The following STIL variants were observed in gnomAD, a reference collection of about 807,000 sequenced individuals.
STIL encodes the protein SCL-interrupting locus protein.
Under a neutral mutation model 110.1 loss-of-function variants are expected in STIL, and 55 were observed. That is an observed-to-expected ratio of 0.50 (90% CI 0.40 to 0.63). STIL has a LOEUF of 0.63. Among genes scored for constraint, STIL ranks in the 20% least tolerant of loss-of-function variants. The pLI is 0.00. For synonymous variants in STIL, 481 were observed against 530.0 expected (o/e 0.91, Z 1.27); for missense variants, 1,358 against 1,530.0 (o/e 0.89, Z 1.87).
Position 47,293,391 on chromosome 1 carries a change from T to G in STIL, c.872+67A>C, listed in dbSNP as rs1195774046. 6 of 1,322,768 alleles carry G rather than the reference T, an allele frequency of 4.5e-6. No homozygotes were observed. The African/African-American group carries it at 7.3e-5, about 16-fold the overall frequency. 81.9% of individuals were successfully genotyped at this position (1,322,768 alleles called of 1,614,324 possible). A position where few individuals can be genotyped will look rare whatever the true frequency, so the allele number is the denominator to read the frequency against. On this transcript the variant is annotated intron_variant, in intron 8 of 16. Coordinates refer to ENST00000371877, the MANE Select transcript of STIL (RefSeq NM_001048166.1). ...GTTACGGCATTACATGAATTTTAAATGGGACCATAAACTATGAATGGGGGA... is the reference window on the plus strand; with the variant it reads ...GTTACGGCATTACATGAATTTTAAAGGGGACCATAAACTATGAATGGGGGA...
chr1:47,263,354 G>T lies in STIL; in HGVS notation c.2616-238C>A, dbSNP rs76286645. Among the ~76,000 whole-genome samples the T allele has an allele frequency of 0.047, 7,216 of 152,080 alleles. 568 individuals are homozygous for T. The highest frequency in any genetic ancestry group is 0.16 in the African/African-American group (6,715 of 41,428). On this transcript the variant is annotated intron_variant, in intron 14 of 16. Transcript: ENST00000371877. ...GGTAAGAAGTTCAAGATCAGACTGGGGAATATATCGAGACCCCATCTCCAC... is the reference window on the plus strand; with the variant it reads ...GGTAAGAAGTTCAAGATCAGACTGGTGAATATATCGAGACCCCATCTCCAC...
chr1:47,269,977 C>A, intron 13 of STIL, 111 bp from the exon 14 acceptor site: 1 of 999,536 alleles, frequency 1.0e-6, no homozygotes, highest in Non-Finnish European at 1.6e-6. Flanking sequence ...TGGCTCACGC[C>A]TATAATCCCA....
At chr1:47,269,267 C>A (rs189750388) in intron 14 of STIL, among the ~76,000 whole-genome samples, 181 of 151,782 alleles carry the variant, frequency 1.2e-3, no homozygotes, top group African/African-American at 4.2e-3. Flanking sequence ...TCAGAGTTGT[C>A]AGTTACATAG....
At chr1:47,279,558 G>A (rs1645091224) in intron 12 of STIL, among the ~76,000 whole-genome samples, 1 of 151,634 alleles carries the variant, frequency 6.6e-6, no homozygotes, top group Non-Finnish European at 1.5e-5. Flanking sequence ...GCGAAACCCC[G>A]TCTCTACTAA....
chr1:47,291,969 A>AT (rs1240984472), intron 8 of STIL, among the ~76,000 whole-genome samples: 2 of 151,366 alleles, frequency 1.3e-5, no homozygotes, highest in Non-Finnish European at 2.9e-5. Flanking sequence ...CGATCTTCCC[A>AT]TATCAGTCTC....
chr1:47,268,333 C>A (rs1472378444), intron 14 of STIL, among the ~76,000 whole-genome samples: 1 of 152,118 alleles, frequency 6.6e-6, no homozygotes, highest in African/African-American at 2.4e-5. Flanking sequence ...GTAATCCCAG[C>A]TGCTTGGGAG....
At chr1:47,305,434 T>C in intron 2 of STIL, 1 of 164,614 alleles carries the variant, frequency 6.1e-6, no homozygotes. Flanking sequence ...CAAAAAATAC[T>C]TTTTTATTTT....
intron 16 of STIL, among the ~76,000 whole-genome samples, chr1:47,257,811 T>C (rs564790609): frequency 6.6e-6 from 1 of 152,354 alleles, no homozygotes; most frequent in South Asian, 2.1e-4. Flanking sequence ...CTGTAAACTC[T>C]ATGAGAACAA....
chr1:47,280,321 T>C lies in STIL; in HGVS notation c.2137A>G (p.Asn713Asp), dbSNP rs1442591519. ...CMHTPKTESD[N>D]GMMGLSPDAY... is the part of the protein sequence containing the mutation. ...TCTGGAGATAGTCCCATCATTCCAT[T>C]ATCTGACTCAGTCTTGGGTGTGTGC... is the stretch of plus-strand genomic sequence containing the variant. The change falls in exon 12 of 17, where the codon AAT (asparagine) becomes GAT (aspartate). Residue 713 changes from asparagine to aspartate, a missense_variant. Asn to Asp is a conservative substitution (Grantham distance 23). Transcript: ENST00000371877. 1 of 1,614,224 alleles carries C rather than the reference T, an allele frequency of 6.2e-7. No homozygotes were observed. The highest frequency in any genetic ancestry group is 1.7e-5 in the Admixed American group (1 of 60,026).
chr1:47,272,145 C>A lies in STIL; in HGVS notation c.2314G>T (p.Val772Phe). ...TVQAGRQMEL[V>F]SVEAQSSPGL... is the part of the protein sequence containing the mutation. ...GGGGAAGACTGTGCTTCCACAGAAA[C>A]CAACTCCATTTGTCTTCCAGCTTGC... The change falls in exon 13 of 17, where the codon GTT becomes TTT. Residue 772 changes from valine (V) to phenylalanine (F), a missense_variant. By Grantham distance (50) the Val-to-Phe change is conservative. Transcript: ENST00000371877. 6.2e-7 allele frequency: 1 copy of A among 1,614,168 alleles called. No homozygotes were observed. Among genetic ancestry groups the A allele is most frequent in the Non-Finnish European group, 8.5e-7 (1 of 1,180,024 alleles).
intron 8 of STIL, among the ~76,000 whole-genome samples, chr1:47,292,740 T>C (rs569246581): frequency 6.6e-6 from 1 of 152,378 alleles, no homozygotes; most frequent in East Asian, 1.9e-4. Context: ...TTTACAGTGA[T>C]TGCCTCTGAG....
At chr1:47,261,550 G>A (rs1265466525) in intron 15 of STIL, among the ~76,000 whole-genome samples, 2 of 151,140 alleles carry the variant, frequency 1.3e-5, no homozygotes, top group Admixed American at 1.3e-4. Context: ...GACCAGCCTG[G>A]CTAACATGGT....
chr1:47,250,818 C>CAA lies in STIL; in HGVS notation c.*316_*317dup. ...GGGCTACAAGAGCAAAACTCCGTCT[C>CAA]AAAAAAAAAAGTACAGTATAAAAGA... is the stretch of plus-strand genomic sequence containing the variant. On this transcript the variant is annotated 3_prime_UTR_variant, in exon 17 of 17. Coordinates refer to ENST00000371877, the MANE Select transcript of STIL (RefSeq NM_001048166.1). The CAA allele has an allele frequency of 4.4e-5, 10 of 227,666 alleles. No homozygotes were observed. Among genetic ancestry groups the CAA allele is most frequent in the South Asian group, 2.7e-4 (2 of 7,500 alleles). The allele number at this position is 227,666 out of a possible 1,614,324, so 14.1% of individuals were successfully genotyped here. A position where few individuals can be genotyped will look rare whatever the true frequency, so the allele number is the denominator to read the frequency against.
At chr1:47,304,762 AG>A (rs1369592171) in intron 3 of STIL, 126 bp downstream of exon 3, 1 of 753,360 alleles carries the variant, frequency 1.3e-6, no homozygotes, top group Non-Finnish European at 2.3e-6. Context: ...ATTTTGCCTG[AG>A]GGGAGATTCT....
intron 10 of STIL, chr1:47,283,867 G>C (rs1373836153): frequency 1.4e-5 from 2 of 141,544 alleles, no homozygotes; most frequent in Non-Finnish European, 3.1e-5. Context: ...CGTTGACACT[G>C]AGCAATAAAA....
chr1:47,305,629 T>C (rs1645935247), intron 2 of STIL, among the ~76,000 whole-genome samples: 1 of 151,380 alleles, frequency 6.6e-6, no homozygotes, highest in South Asian at 2.1e-4. Flanking sequence ...AGGGTTTCAC[T>C]GTTAATCAGG....
intron 1 of STIL, among the ~76,000 whole-genome samples, chr1:47,313,346 T>A (rs985324915): frequency 0.02 from 8 of 406 alleles, no homozygotes; most frequent in Non-Finnish European, 0.12. Context: ...AAAAATAAAT[T>A]TTTTTTAAAA....
chr1:47,291,333 C>T (rs1645483149), intron 8 of STIL, among the ~76,000 whole-genome samples: 1 of 151,626 alleles, frequency 6.6e-6, no homozygotes, highest in Non-Finnish European at 1.5e-5. Context: ...TGCACTCCAG[C>T]CTGGGCGACA....
At chr1:47,310,137 C>CA in intron 2 of STIL, 139 bp downstream of exon 2, 1 of 691,136 alleles carries the variant, frequency 1.4e-6, no homozygotes, top group South Asian at 1.7e-5. Context: ...CACGGTCACC[C>CA]ACCTAACAAG....
Sources: allele counts gnomAD v4.1 joint callset (sites outside exome capture counted in the v4.1 genomes callset), GRCh38; gene constraint gnomAD v4.1.1; transcripts MANE v1.5; gene names NCBI Gene and HGNC (gene_info 2026-07-23, HGNC 2026-07-21).